DAG1: variants seen among roughly 807,000 people sequenced by gnomAD.
DAG1 encodes the protein dystroglycan 1 (dystrophin-associated glycoprotein 1).
A neutral mutation model predicts 46.1 loss-of-function variants in DAG1; 8 were observed. The ratio of observed to expected loss-of-function variants is 0.17; its 90% CI spans 0.10 to 0.31. DAG1 has a LOEUF of 0.31. DAG1 is among the 10% of genes least tolerant of loss of function. DAG1 has a pLI of 1.00. For synonymous variants in DAG1, 495 were observed against 481.8 expected (o/e 1.03, Z -0.36); for missense variants, 1,003 against 1,189.9 (o/e 0.84, Z 2.31).
At chr3:49,517,007 TA>T (rs35403832) in intron 2 of DAG1, among the ~76,000 whole-genome samples, 118,950 of 129,456 alleles carry the variant, frequency 0.92, 55,071 homozygotes, top group South Asian at 0.97. Flanking sequence ...TTTTTTTTTT[TA>T]ATTGAGACGG....
chr3:49,527,290 C>G (rs1468170087), intron 2 of DAG1, among the ~76,000 whole-genome samples: 2 of 151,878 alleles, frequency 1.3e-5, no homozygotes, highest in African/African-American at 4.8e-5. Flanking sequence ...TTTGGGAGGC[C>G]AAGGCGGGCG....
At chr3:49,523,662 T>G (rs2051096966) in intron 2 of DAG1, among the ~76,000 whole-genome samples, 7 of 152,260 alleles carry the variant, frequency 4.6e-5, no homozygotes, top group Middle Eastern at 3.4e-3. Flanking sequence ...CAAGGTCAGT[T>G]GGGAAGGAGA....
intron 2 of DAG1, among the ~76,000 whole-genome samples, chr3:49,528,071 TA>T (rs1254659308): frequency 9.2e-5 from 14 of 152,212 alleles, no homozygotes; most frequent in Non-Finnish European, 1.6e-4. Flanking sequence ...TCAGGACCCC[TA>T]CTTCTATCCC....
intron 2 of DAG1, among the ~76,000 whole-genome samples, chr3:49,511,527 T>G (rs886267552): frequency 1.3e-5 from 2 of 152,176 alleles, no homozygotes; most frequent in South Asian, 4.1e-4. Context: ...TATGAACATC[T>G]TCTAGAGCAG....
chr3:49,518,389 G>T (rs2050948628), intron 2 of DAG1, among the ~76,000 whole-genome samples: 1 of 152,186 alleles, frequency 6.6e-6, no homozygotes, highest in Non-Finnish European at 1.5e-5. Context: ...TGTGTTGACT[G>T]CCTGAAAAGC....
intron 1 of DAG1, among the ~76,000 whole-genome samples, chr3:49,500,639 C>T (rs1199756188): frequency 6.6e-6 from 1 of 152,184 alleles, no homozygotes; most frequent in African/African-American, 2.4e-5. Context: ...CTGCCTTGAG[C>T]ACTTCCTACT....
intron 2 of DAG1, among the ~76,000 whole-genome samples, chr3:49,522,124 G>T (rs1302855825): frequency 6.6e-6 from 1 of 152,088 alleles, no homozygotes; most frequent in African/African-American, 2.4e-5. Flanking sequence ...CCGCCTCCCG[G>T]GTTCAAGCAA....
chr3:49,492,034 C>T (rs1232121408), intron 1 of DAG1, among the ~76,000 whole-genome samples: 2 of 151,834 alleles, frequency 1.3e-5, no homozygotes, highest in African/African-American at 2.4e-5. Context: ...TCAAGCAATT[C>T]TTCTGCCTCA....
intron 1 of DAG1, among the ~76,000 whole-genome samples, chr3:49,496,886 A>C (rs1389151009): frequency 1.3e-5 from 2 of 151,234 alleles, no homozygotes; most frequent in East Asian, 3.9e-4. Context: ...CGGCCTCCCA[A>C]AGTGTTGGGA....
At chr3:49,472,428 T>TGA (rs1316295137) in intron 1 of DAG1, among the ~76,000 whole-genome samples, 2 of 152,038 alleles carry the variant, frequency 1.3e-5, no homozygotes, top group East Asian at 3.9e-4. Flanking sequence ...TGGTTAGTGT[T>TGA]GAGGATGGTG....
chr3:49,491,269 C>T (rs1473368814), intron 1 of DAG1, among the ~76,000 whole-genome samples: 6 of 151,064 alleles, frequency 4.0e-5, no homozygotes, highest in South Asian at 2.1e-4. Context: ...CTCAGCCTCC[C>T]GAAATGCTGG....
intron 2 of DAG1, chr3:49,511,069 G>T: frequency 1.4e-6 from 1 of 737,870 alleles, no homozygotes; most frequent in Non-Finnish European, 1.7e-6. Context: ...AAGTTCTACT[G>T]AACACTGATT....
At chr3:49,473,326 G>A (rs1205899365) in intron 1 of DAG1, among the ~76,000 whole-genome samples, 1 of 147,506 alleles carries the variant, frequency 6.8e-6, no homozygotes, top group Non-Finnish European at 1.5e-5. Flanking sequence ...GGAGGCTGAG[G>A]CAGGAGAATG....
intron 1 of DAG1, among the ~76,000 whole-genome samples, chr3:49,508,194 CT>C (rs11344604): frequency 0.89 from 65,621 of 73,522 alleles, 29,261 homozygotes; most frequent in East Asian, 0.98. Context: ...GTTTATTTTG[CT>C]TTTTTTTTTT....
At chr3:49,480,892 G>A (rs1317704376) in intron 1 of DAG1, among the ~76,000 whole-genome samples, 1 of 136,760 alleles carries the variant, frequency 7.3e-6, no homozygotes, top group Admixed American at 7.4e-5. Flanking sequence ...CTCCCGAGTA[G>A]CTGGGACTAC....
chr3:49,508,804 C>T (rs1239463687), intron 1 of DAG1, among the ~76,000 whole-genome samples: 1 of 152,188 alleles, frequency 6.6e-6, no homozygotes, highest in African/African-American at 2.4e-5. Context: ...GCTGGGATTA[C>T]AGGCATGAGC....
Position 49,510,419 on chromosome 3 carries a change from G to A in DAG1, c.-116G>A. On this transcript the variant is annotated splice_region_variant and 5_prime_UTR_variant, in exon 2 of 3. Coordinates refer to ENST00000308775, the MANE Select transcript of DAG1 (RefSeq NM_004393.6). ...AAACCTGCTTTTCTTTTTTTTTCAG[G>A]CTCTGTGTGCTCCGGGATGGAGCAG... 3.0e-6 allele frequency: 3 copies of A among 1,005,382 alleles called. No individual in the cohort carries two copies. The highest frequency in any genetic ancestry group is 1.8e-5 in the Admixed American group (1 of 56,624). The allele number at this position is 1,005,382 out of a possible 1,614,324, so 62.3% of individuals were successfully genotyped here.
chr3:49,521,318 C>G (rs2107771288), intron 2 of DAG1, among the ~76,000 whole-genome samples: 1 of 152,204 alleles, frequency 6.6e-6, no homozygotes, highest in Non-Finnish European at 1.5e-5. Flanking sequence ...CACCCGCCAC[C>G]ACACCTGGCT....
At chr3:49,473,435 AAC>A (rs888780026) in intron 1 of DAG1, among the ~76,000 whole-genome samples, 10 of 152,058 alleles carry the variant, frequency 6.6e-5, no homozygotes, top group Non-Finnish European at 1.2e-4. Flanking sequence ...ACAAAAAAAA[AAC>A]ACAAAAAAAA....
Sources: allele counts gnomAD v4.1 joint callset (sites outside exome capture counted in the v4.1 genomes callset), GRCh38; gene constraint gnomAD v4.1.1; transcripts MANE v1.5; gene names NCBI Gene and HGNC (gene_info 2026-07-23, HGNC 2026-07-21).